RORB: variants seen among roughly 807,000 people sequenced by gnomAD.
RORB encodes nuclear receptor ROR-beta.
A neutral mutation model predicts 59.1 loss-of-function variants in RORB; 6 were observed. The ratio of observed to expected loss-of-function variants is 0.10; its 90% CI spans 0.06 to 0.20. RORB has a LOEUF of 0.20. Ranked by LOEUF, RORB falls within the 10% of genes least tolerant of loss-of-function variation. RORB has a pLI of 1.00. For missense variants in RORB, 320 were observed against 560.5 expected, an observed-to-expected ratio of 0.57 and a Z score of 4.33; for synonymous variants, 215 against 204.5, an observed-to-expected ratio of 1.05 and a Z score of -0.44.
chr9:74,507,935 C>T (rs1348382296), intron 1 of RORB, among the ~76,000 whole-genome samples: 5 of 151,862 alleles, frequency 3.3e-5, no homozygotes, highest in African/African-American at 7.3e-5. Flanking sequence ...CACATCATAT[C>T]GTTAAGGTAC....
chr9:74,603,124 C>T (rs1452040757), intron 1 of RORB, among the ~76,000 whole-genome samples: 2 of 152,170 alleles, frequency 1.3e-5, no homozygotes, highest in Non-Finnish European at 2.9e-5. Context: ...CTATTTGATA[C>T]ATGATCTGCC....
chr9:74,582,950 T>C (rs893632586), intron 1 of RORB, among the ~76,000 whole-genome samples: 1 of 152,148 alleles, frequency 6.6e-6, no homozygotes, highest in African/African-American at 2.4e-5. Flanking sequence ...TGCTAAATGT[T>C]CAAGAGATGA....
Position 74,608,689 on chromosome 9 carries a change from T to A in RORB, c.8-21593T>A, listed in dbSNP as rs550481123. ...TTGGGAAAATACTTAAAACTGTGAA[T>A]GGTTTTTATAACATGGATTTGAATC... On this transcript the variant is annotated intron_variant, in intron 1 of 9. Coordinates refer to ENST00000376896, the MANE Select transcript of RORB (RefSeq NM_006914.4). Among the ~76,000 whole-genome samples the A allele has an allele frequency of 8.8e-5, 5 of 56,744 alleles. No individual in the cohort carries two copies. The South Asian group carries it at 2.9e-3, about 33-fold the overall frequency. The allele number at this position is 56,744 out of a possible 152,430, so 37.2% of individuals were successfully genotyped here.
chr9:74,551,379 G>C (rs1195320122), intron 1 of RORB, among the ~76,000 whole-genome samples: 4 of 152,182 alleles, frequency 2.6e-5, no homozygotes, highest in African/African-American at 7.2e-5. Flanking sequence ...CACAAGCACT[G>C]TGATATCACA....
intron 1 of RORB, among the ~76,000 whole-genome samples, chr9:74,551,834 G>A (rs960268319): frequency 6.6e-6 from 1 of 152,120 alleles, no homozygotes; most frequent in African/African-American, 2.4e-5. Flanking sequence ...AGTTTATTAT[G>A]GAGTACTTTT....
chr9:74,557,454 C>T (rs1389834605), intron 1 of RORB, among the ~76,000 whole-genome samples: 1 of 152,052 alleles, frequency 6.6e-6, no homozygotes, highest in Non-Finnish European at 1.5e-5. Flanking sequence ...TGGTATTGAA[C>T]CTTGAGCTTT....
intron 1 of RORB, among the ~76,000 whole-genome samples, chr9:74,569,757 G>T (rs570537754): frequency 2.0e-5 from 3 of 152,018 alleles, no homozygotes; most frequent in African/African-American, 7.2e-5. Context: ...ATTATATACT[G>T]CATTTGTCAC....
At chr9:74,540,190 G>C (rs1826383963) in intron 1 of RORB, among the ~76,000 whole-genome samples, 1 of 152,086 alleles carries the variant, frequency 6.6e-6, no homozygotes, top group South Asian at 2.1e-4. Context: ...TGCACAGTTT[G>C]AATACAAAAA....
intron 1 of RORB, among the ~76,000 whole-genome samples, chr9:74,573,130 T>C (rs890948112): frequency 1.3e-5 from 2 of 152,204 alleles, no homozygotes. Context: ...TAGACAGTTT[T>C]CAAACGTGTT....
intron 1 of RORB, among the ~76,000 whole-genome samples, chr9:74,549,252 C>CCG (rs1456650079): frequency 2.0e-5 from 3 of 151,926 alleles, no homozygotes; most frequent in Non-Finnish European, 4.4e-5. Context: ...TTGAGACCAG[C>CCG]CTGGCTAACA....
At chr9:74,640,315 A>G (rs949265771) in intron 3 of RORB, among the ~76,000 whole-genome samples, 15 of 152,062 alleles carry the variant, frequency 9.9e-5, no homozygotes, top group African/African-American at 3.6e-4. Context: ...GTCTCGGCTC[A>G]CTGCAGTTTC....
At chr9:74,608,518 CG>C (rs2118348337) in intron 1 of RORB, among the ~76,000 whole-genome samples, 1 of 148,874 alleles carries the variant, frequency 6.7e-6, no homozygotes, top group East Asian at 2.0e-4. Context: ...GAGCCGAGAT[CG>C]CGCCACTGCA....
intron 1 of RORB, among the ~76,000 whole-genome samples, chr9:74,609,871 A>C (rs1374496998): frequency 3.9e-5 from 6 of 152,230 alleles, no homozygotes; most frequent in Non-Finnish European, 8.8e-5. Flanking sequence ...TTTGGTTGTC[A>C]TAAGTGAGGG....
chr9:74,505,605 C>G (rs1381903627), intron 1 of RORB, among the ~76,000 whole-genome samples: 4 of 152,006 alleles, frequency 2.6e-5, no homozygotes, highest in Non-Finnish European at 4.4e-5. Flanking sequence ...AGGACGCTAC[C>G]AGAAAGTCAG....
chr9:74,516,555 A>T (rs1271344468), intron 1 of RORB, among the ~76,000 whole-genome samples: 1 of 152,052 alleles, frequency 6.6e-6, no homozygotes, highest in African/African-American at 2.4e-5. Flanking sequence ...TTTGAAAAAA[A>T]GGAAATCTGT....
chr9:74,532,736 TATAC>T (rs780248663), intron 1 of RORB, among the ~76,000 whole-genome samples: 108 of 149,670 alleles, frequency 7.2e-4, no homozygotes, highest in Middle Eastern at 7.1e-3. Context: ...CATATGTTTA[TATAC>T]ATATACATTT....
intron 1 of RORB, among the ~76,000 whole-genome samples, chr9:74,610,237 A>C (rs1387154791): frequency 6.6e-6 from 1 of 152,206 alleles, no homozygotes; most frequent in Non-Finnish European, 1.5e-5. Context: ...CACTTCCCAA[A>C]ATTTCGTGCT....
chr9:74,674,099 C>T (rs572061364), intron 9 of RORB, among the ~76,000 whole-genome samples: 5 of 152,268 alleles, frequency 3.3e-5, no homozygotes, highest in South Asian at 2.1e-4. Context: ...TTTAACACTC[C>T]GGACAAATGT....
intron 1 of RORB, among the ~76,000 whole-genome samples, chr9:74,584,768 C>G (rs1822773597): frequency 2.0e-5 from 3 of 152,134 alleles, no homozygotes; most frequent in African/African-American, 7.2e-5. Context: ...TGGCTACTGT[C>G]ATAGACCCTC....
Sources: allele counts gnomAD v4.1 joint callset (sites outside exome capture counted in the v4.1 genomes callset), GRCh38; gene constraint gnomAD v4.1.1; transcripts MANE v1.5; gene names NCBI Gene and HGNC (gene_info 2026-07-23, HGNC 2026-07-21).